The following TLE4 variants were observed in gnomAD, a reference collection of about 807,000 sequenced individuals.
The protein encoded by TLE4 is transducin-like enhancer protein 4.
A neutral mutation model predicts 92.8 loss-of-function variants in TLE4; 8 were observed. The observed-to-expected ratio is 0.09, with a 90% CI of 0.05 to 0.16. The LOEUF is 0.16. Ranked by LOEUF, TLE4 falls within the 10% of genes least tolerant of loss-of-function variation. The pLI, the probability that TLE4 is intolerant of heterozygous loss-of-function variation, is 1.00. For synonymous variants in TLE4, 371 were observed against 374.1 expected (o/e 0.99, Z 0.10); for missense variants, 675 against 997.6 (o/e 0.68, Z 4.36).
chr9:79,623,299 A>G (rs1222436313), intron 5 of TLE4, among the ~76,000 whole-genome samples: 1 of 152,138 alleles, frequency 6.6e-6, no homozygotes, highest in Non-Finnish European at 1.5e-5. Context: ...TTGGCATGAC[A>G]GGTATTCTCA....
At chr9:79,578,301 G>C (rs1221518048) in intron 4 of TLE4, among the ~76,000 whole-genome samples, 2 of 152,162 alleles carry the variant, frequency 1.3e-5, no homozygotes, top group Non-Finnish European at 2.9e-5. Context: ...TTTGTGTCTC[G>C]AAGGGTTCAA....
chr9:79,574,769 A>T, intron 2 of TLE4, 104 bp from the exon 3 acceptor site: 1 of 936,510 alleles, frequency 1.1e-6, no homozygotes, highest in Non-Finnish European at 1.7e-6. Flanking sequence ...TTTATTTAAG[A>T]TTGTTGATTT....
At position 79,656,099 on chromosome 9, in the gene TLE4, A is replaced by T. The variant is rs568666913; in HGVS notation, c.609+2024A>T. ...ATGTTTTGGTTGGGTACCATTCTCA[A>T]ATTTGAAGTTGTATTACGTCAGGTC... On this transcript the variant is annotated intron_variant, in intron 8 of 19. Transcript: ENST00000376552. Among the ~76,000 whole-genome samples, 10 of 152,252 alleles carry T rather than the reference A, an allele frequency of 6.6e-5. No homozygotes were observed. The South Asian group carries it at 2.1e-3, about 32-fold the overall frequency.
chr9:79,586,640 G>A (rs2041174975), intron 4 of TLE4, among the ~76,000 whole-genome samples: 1 of 152,056 alleles, frequency 6.6e-6, no homozygotes, highest in African/African-American at 2.4e-5. Context: ...CTTTCCTTAG[G>A]GAAGATAAAT....
intron 6 of TLE4, chr9:79,627,786 G>T: frequency 1.3e-5 from 3 of 234,730 alleles, no homozygotes; most frequent in South Asian, 6.9e-5. Flanking sequence ...AAAATGACCT[G>T]GTTTCTTTTT....
intron 8 of TLE4, among the ~76,000 whole-genome samples, chr9:79,690,251 A>G (rs73652233): frequency 0.042 from 6,431 of 152,170 alleles, 310 homozygotes; most frequent in African/African-American, 0.12. Flanking sequence ...TTCCAGGTCT[A>G]CCCCTCCCAT....
At chr9:79,573,616 A>C (rs1404814724) in intron 1 of TLE4, 73 bp from the exon 2 acceptor site, 1 of 1,278,828 alleles carries the variant, frequency 7.8e-7, no homozygotes, top group Non-Finnish European at 1.1e-6. Flanking sequence ...CTAACGCCGC[A>C]TAGTAGGTTT....
intron 8 of TLE4, among the ~76,000 whole-genome samples, chr9:79,669,517 C>CT (rs1052748053): frequency 1.6e-4 from 24 of 151,124 alleles, no homozygotes; most frequent in African/African-American, 2.7e-4. Context: ...TAAGCTATGT[C>CT]TTTTTTTTTG....
intron 8 of TLE4, chr9:79,671,514 T>C: frequency 3.3e-6 from 1 of 305,590 alleles, no homozygotes; most frequent in Admixed American, 3.8e-5. Flanking sequence ...TCTAATTGTG[T>C]GGGGAGAGGG....
intron 11 of TLE4, chr9:79,707,208 T>C (rs372131030): frequency 2.5e-5 from 41 of 1,612,426 alleles, no homozygotes; most frequent in Non-Finnish European, 3.4e-5. Flanking sequence ...TTTTGTCGCC[T>C]GTGGTTTATG....
chr9:79,650,277 A>G (rs558152804), intron 6 of TLE4, among the ~76,000 whole-genome samples: 8 of 152,254 alleles, frequency 5.3e-5, no homozygotes, highest in African/African-American at 1.7e-4. Context: ...TAATGTGTGA[A>G]TATTTCAGGG....
At chr9:79,707,259 CTTTG>C in intron 11 of TLE4, 2 of 1,551,074 alleles carry the variant, frequency 1.3e-6, no homozygotes, top group South Asian at 1.1e-5. Flanking sequence ...TTGTTGCTAG[CTTTG>C]TTTGAATTAC....
chr9:79,622,969 TG>T (rs2051414669), intron 5 of TLE4, among the ~76,000 whole-genome samples: 1 of 152,208 alleles, frequency 6.6e-6, no homozygotes, highest in East Asian at 1.9e-4. Flanking sequence ...TAGTTTATTT[TG>T]TTTCATTTTA....
chr9:79,575,530 T>A (rs2037461283), intron 3 of TLE4, among the ~76,000 whole-genome samples: 1 of 152,222 alleles, frequency 6.6e-6, no homozygotes, highest in Admixed American at 6.5e-5. Flanking sequence ...TGATGTGTTC[T>A]GCCAGAATTT....
intron 5 of TLE4, among the ~76,000 whole-genome samples, chr9:79,625,181 G>A (rs542590362): frequency 6.6e-6 from 1 of 150,650 alleles, no homozygotes; most frequent in African/African-American, 2.4e-5. Context: ...CACTACGCCC[G>A]GCTAATTTTT....
At position 79,709,851 on chromosome 9, in the gene TLE4, C is replaced by T. The variant is rs2072768724; in HGVS notation, c.1340+152C>T. 2.1e-5 allele frequency: 13 copies of T among 609,768 alleles called. No individual in the cohort carries two copies. In the South Asian group the frequency reaches 3.4e-4, roughly 16 times the overall value. The allele number at this position is 609,768 out of a possible 1,614,324, so 37.8% of individuals were successfully genotyped here. A position where few individuals can be genotyped will look rare whatever the true frequency, so the allele number is the denominator to read the frequency against. On this transcript the variant is annotated intron_variant, in intron 14 of 19. Coordinates refer to ENST00000376552, the MANE Select transcript of TLE4 (RefSeq NM_007005.6). ...AGGTATTTTTCATTTTCTCTTAGCA[C>T]AAGAAGAGAAGTAATGAAGTGGGGT...
Position 79,718,992 on chromosome 9 carries a change from A to C in TLE4, c.1590+21A>C, listed in dbSNP as rs761416107. Reference sequence around the variant, plus strand: ...GTCTGGTGAGTGAACATGGATGAACAAGACTTAGACTTTCATTCAGAAAAC... The same window carrying C: ...GTCTGGTGAGTGAACATGGATGAACCAGACTTAGACTTTCATTCAGAAAAC... On this transcript the variant is annotated intron_variant, in intron 15 of 19. Transcript: ENST00000376552. 1.6e-5 allele frequency: 26 copies of C among 1,594,646 alleles called. No homozygotes were observed. In the South Asian group the frequency reaches 2.7e-4, roughly 16 times the overall value.
intron 6 of TLE4, among the ~76,000 whole-genome samples, chr9:79,636,638 G>C (rs1422927433): frequency 6.6e-6 from 1 of 152,112 alleles, no homozygotes; most frequent in Non-Finnish European, 1.5e-5. Flanking sequence ...TCCTGAGGAA[G>C]GACTTTCTTG....
At chr9:79,709,779 A>T in intron 14 of TLE4, 80 bp downstream of exon 14, 1 of 1,226,316 alleles carries the variant, frequency 8.2e-7, no homozygotes, top group Admixed American at 1.8e-5. Flanking sequence ...GAATACCACT[A>T]GACAGTGTTG....
Sources: gnomAD v4.1 joint callset for allele counts (sites outside exome capture counted in the v4.1 genomes callset) on GRCh38, gnomAD v4.1.1 for gene constraint, MANE v1.5 for transcripts, NCBI Gene and HGNC (gene_info 2026-07-23, HGNC 2026-07-21) for gene names.